The following NCK2 variants were observed in gnomAD, a reference collection of about 807,000 sequenced individuals.
NCK2 encodes NCK adaptor protein 2, also known as cytoplasmic protein NCK2.
In NCK2, 16 loss-of-function variants were observed where a neutral mutation model predicts 33.9. The observed-to-expected ratio is 0.47, with a 90% CI of 0.32 to 0.72. The LOEUF (loss-of-function observed/expected upper bound fraction) is 0.72. NCK2 is among the 30% of genes least tolerant of loss of function. The pLI, the probability that NCK2 is intolerant of heterozygous loss-of-function variation, is 0.03. For synonymous variants in NCK2, 273 were observed against 239.9 expected, an observed-to-expected ratio of 1.14 and a Z score of -1.27; for missense variants, 418 against 537.3, an observed-to-expected ratio of 0.78 and a Z score of 2.19.
chr2:105,842,859 G>T (rs1332394256), intron 2 of NCK2, among the ~76,000 whole-genome samples: 19 of 150,736 alleles, frequency 1.3e-4, no homozygotes, highest in African/African-American at 4.7e-4. Context: ...GGTGGACGCT[G>T]TGAGAAATAT....
intron 3 of NCK2, among the ~76,000 whole-genome samples, chr2:105,871,449 C>T (rs1678001471): frequency 6.6e-6 from 1 of 152,078 alleles, no homozygotes. Flanking sequence ...GCAGTCTGCT[C>T]AGGGAGATGG....
At chr2:105,862,426 G>A (rs889908871) in intron 3 of NCK2, among the ~76,000 whole-genome samples, 2 of 152,192 alleles carry the variant, frequency 1.3e-5, no homozygotes, top group Non-Finnish European at 2.9e-5. Flanking sequence ...ACTAATCACA[G>A]ATGAAAAAAT....
intron 1 of NCK2, among the ~76,000 whole-genome samples, chr2:105,766,906 G>T (rs1367835578): frequency 6.6e-6 from 1 of 152,204 alleles, no homozygotes; most frequent in Non-Finnish European, 1.5e-5. Context: ...GAGGCTTCTG[G>T]CTCCGTCTTC....
At chr2:105,857,264 C>G (rs190682781) in intron 3 of NCK2, 1 of 152,232 alleles carries the variant, frequency 6.6e-6, no homozygotes, top group Non-Finnish European at 1.5e-5. Context: ...GAGCTGTGAT[C>G]GGTTCAGCCA....
intron 3 of NCK2, among the ~76,000 whole-genome samples, chr2:105,859,369 C>T (rs1182819555): frequency 3.3e-5 from 5 of 152,208 alleles, no homozygotes; most frequent in African/African-American, 9.7e-5. Context: ...GGCCCACCTG[C>T]CCGTGGCTCA....
chr2:105,850,131 A>C (rs904298018), intron 2 of NCK2, among the ~76,000 whole-genome samples: 6 of 152,198 alleles, frequency 3.9e-5, no homozygotes, highest in Admixed American at 6.5e-5. Flanking sequence ...AGGAGAACAT[A>C]CAAATGGTTC....
intron 1 of NCK2, among the ~76,000 whole-genome samples, chr2:105,813,623 G>A (rs920398873): frequency 6.6e-6 from 1 of 152,168 alleles, no homozygotes; most frequent in African/African-American, 2.4e-5. Context: ...GCTTGCAGGG[G>A]GGCATCTCAC....
chr2:105,835,025 A>G (rs1249987714), intron 2 of NCK2, among the ~76,000 whole-genome samples: 1 of 151,986 alleles, frequency 6.6e-6, no homozygotes, highest in Non-Finnish European at 1.5e-5. Flanking sequence ...TCTTGTAACT[A>G]TGTTAAGTAT....
intron 3 of NCK2, among the ~76,000 whole-genome samples, chr2:105,867,595 G>A (rs1157433732): frequency 6.6e-6 from 1 of 152,130 alleles, no homozygotes. Context: ...CCTGGGAAGT[G>A]AAGGTGGGGT....
intron 2 of NCK2, among the ~76,000 whole-genome samples, chr2:105,845,311 G>C (rs1354967375): frequency 6.6e-6 from 1 of 152,088 alleles, no homozygotes; most frequent in African/African-American, 2.4e-5. Context: ...TGAGTAACAA[G>C]GTGGCAAGGA....
chr2:105,831,312 T>C (rs1055810488), intron 2 of NCK2, among the ~76,000 whole-genome samples: 5 of 151,892 alleles, frequency 3.3e-5, no homozygotes, highest in African/African-American at 1.2e-4. Context: ...AAAAGAACCC[T>C]GAATAGCCAA....
intron 2 of NCK2, among the ~76,000 whole-genome samples, chr2:105,836,076 G>GATC (rs1486643008): frequency 6.7e-6 from 1 of 148,976 alleles, no homozygotes; most frequent in African/African-American, 2.5e-5. Flanking sequence ...GTTTCCTTAA[G>GATC]ATCATTATTT....
chr2:105,829,987 G>T (rs1216861860), intron 2 of NCK2, among the ~76,000 whole-genome samples: 1 of 151,866 alleles, frequency 6.6e-6, no homozygotes, highest in Non-Finnish European at 1.5e-5. Context: ...CATTCTAATT[G>T]TTCCTATTAA....
intron 1 of NCK2, among the ~76,000 whole-genome samples, chr2:105,756,686 T>G (rs1689607229): frequency 6.6e-6 from 1 of 152,236 alleles, no homozygotes; most frequent in Non-Finnish European, 1.5e-5. Flanking sequence ...GGTCCTGGAC[T>G]TCATTCTGGC....
chr2:105,858,293 C>T (rs1337522694), intron 3 of NCK2, among the ~76,000 whole-genome samples: 1 of 152,128 alleles, frequency 6.6e-6, no homozygotes, highest in Admixed American at 6.6e-5. Context: ...GGGCCTCACT[C>T]TGTTGCCTAG....
chr2:105,877,814 A>C (rs962262267), intron 3 of NCK2, among the ~76,000 whole-genome samples: 3 of 152,232 alleles, frequency 2.0e-5, no homozygotes, highest in East Asian at 1.9e-4. Flanking sequence ...CTGGGAGTAC[A>C]GTCTGTGCCA....
chr2:105,814,649 G>C (rs1273913515), intron 1 of NCK2, among the ~76,000 whole-genome samples: 1 of 152,162 alleles, frequency 6.6e-6, no homozygotes, highest in South Asian at 2.1e-4. Flanking sequence ...CCACTCATCC[G>C]GAGTCCAAGG....
intron 1 of NCK2, among the ~76,000 whole-genome samples, chr2:105,782,355 C>G (rs955923591): frequency 2.6e-5 from 4 of 152,150 alleles, no homozygotes; most frequent in African/African-American, 9.7e-5. Context: ...TCTCTGCCAC[C>G]AAAAATCTCC....
chr2:105,882,585 T>C (rs1258656492), intron 4 of NCK2, among the ~76,000 whole-genome samples: 1 of 152,052 alleles, frequency 6.6e-6, no homozygotes, highest in East Asian at 1.9e-4. Context: ...ACGAGATAAA[T>C]TGAAAAGAAA....
Sources: allele counts gnomAD v4.1 joint callset (sites outside exome capture counted in the v4.1 genomes callset), GRCh38; gene constraint gnomAD v4.1.1; transcripts MANE v1.5; gene names NCBI Gene and HGNC (gene_info 2026-07-23, HGNC 2026-07-21).